Variants in APOBEC3B observed in about 807,000 individuals in gnomAD.
APOBEC3B encodes the protein apolipoprotein B mRNA editing enzyme catalytic subunit 3B.
In APOBEC3B, 29 loss-of-function variants were observed where a neutral mutation model predicts 53.4. The observed-to-expected ratio is 0.54, with a 90% CI of 0.40 to 0.74. The LOEUF is 0.74. Among genes scored for constraint, APOBEC3B ranks in the 30% least tolerant of loss-of-function variants. The pLI, the probability that APOBEC3B is intolerant of heterozygous loss-of-function variation, is 0.00. For missense variants in APOBEC3B, 347 were observed against 496.2 expected, an observed-to-expected ratio of 0.70 and a Z score of 2.86; for synonymous variants, 132 against 184.8, an observed-to-expected ratio of 0.71 and a Z score of 2.32.
intron 4 of APOBEC3B, among the ~76,000 whole-genome samples, chr22:38,988,683 C>CTTTCTTTCTTTCTTTCTTTCTTTCTT (rs779025117): frequency 8.4e-5 from 4 of 47,510 alleles, no homozygotes; most frequent in Non-Finnish European, 1.2e-4. Context: ...TTCTCTCTTT[C>CTTTCTTTCTTTCTTTCTTTCTTTCTT]TCTTTCTTTC....
At chr22:38,988,322 A>G (rs2037350206) in intron 4 of APOBEC3B, among the ~76,000 whole-genome samples, 2 of 148,550 alleles carry the variant, frequency 1.3e-5, no homozygotes, top group African/African-American at 2.4e-5. Flanking sequence ...TGAAAATCCC[A>G]GTGGATAATG....
At chr22:38,984,364 C>A in intron 2 of APOBEC3B, 133 bp downstream of exon 2, 1 of 1,181,672 alleles carries the variant, frequency 8.5e-7, no homozygotes, top group South Asian at 1.8e-5. Flanking sequence ...AAAGGCTGAG[C>A]CCTTAACAAA....
intron 5 of APOBEC3B, among the ~76,000 whole-genome samples, chr22:38,990,239 G>A (rs1261010122): frequency 1.4e-5 from 2 of 148,142 alleles, no homozygotes; most frequent in African/African-American, 4.9e-5. Context: ...GGGCTTCTCT[G>A]GGCTCTATGA....
At chr22:38,988,699 T>C (rs56303902) in intron 4 of APOBEC3B, among the ~76,000 whole-genome samples, 5,078 of 93,684 alleles carry the variant, frequency 0.054, 422 homozygotes, top group African/African-American at 0.1. Flanking sequence ...CTTTCTTTCT[T>C]TCTTTCTTTC....
intron 4 of APOBEC3B, among the ~76,000 whole-genome samples, chr22:38,987,329 C>T (rs1432943378): frequency 1.4e-5 from 2 of 147,888 alleles, no homozygotes; most frequent in African/African-American, 4.9e-5. Flanking sequence ...CACTCCCAGC[C>T]AGGCTCTTTG....
chr22:38,988,985 C>A (rs1923881963), intron 4 of APOBEC3B, among the ~76,000 whole-genome samples: 1 of 147,294 alleles, frequency 6.8e-6, no homozygotes, highest in African/African-American at 2.5e-5. Context: ...ATGTCCCTGG[C>A]AGGCTCCTCT....
At chr22:38,986,437 C>T in intron 4 of APOBEC3B, 25 bp downstream of exon 4, 13 of 1,586,842 alleles carry the variant, frequency 8.2e-6, no homozygotes, top group Non-Finnish European at 1.1e-5. Context: ...CTGGCCTCAT[C>T]ATCTCTCTCC....
intron 2 of APOBEC3B, among the ~76,000 whole-genome samples, chr22:38,985,310 C>T (rs148863408): frequency 1.3e-5 from 2 of 148,486 alleles, no homozygotes; most frequent in African/African-American, 4.9e-5. Flanking sequence ...TCAACTTCCA[C>T]CTGCCAGGTT....
At chr22:38,984,408 A>G (rs1923652670) in intron 2 of APOBEC3B, among the ~76,000 whole-genome samples, 177 bp downstream of exon 2, 1 of 148,710 alleles carries the variant, frequency 6.7e-6, no homozygotes, top group Non-Finnish European at 1.5e-5. Context: ...AAACTTACAG[A>G]AGCAGAACAA....
chr22:38,988,468 T>C (rs1923824257), intron 4 of APOBEC3B, among the ~76,000 whole-genome samples: 1 of 148,846 alleles, frequency 6.7e-6, no homozygotes, highest in Non-Finnish European at 1.5e-5. Flanking sequence ...CAGTGTCATC[T>C]CGTTCTCCCT....
chr22:38,992,656 A>T lies in APOBEC3B; in HGVS notation c.*211A>T. 7.3e-7 allele frequency: 1 copy of T among 1,367,494 alleles called. No homozygotes were observed. The highest frequency in any genetic ancestry group is 1.5e-5 in the African/African-American group (1 of 68,348). The allele number at this position is 1,367,494 out of a possible 1,614,324, so 84.7% of individuals were successfully genotyped here. On this transcript the variant is annotated 3_prime_UTR_variant, in exon 8 of 8. Transcript: ENST00000333467. ...AATTTCTCTTATGTTCCAAGTGTAC[A>T]AGAGTAAGATTATGCTCAATATTCC...
chr22:38,988,447 A>C (rs1053307276), intron 4 of APOBEC3B, among the ~76,000 whole-genome samples: 1 of 148,838 alleles, frequency 6.7e-6, no homozygotes, highest in Non-Finnish European at 1.5e-5. Context: ...GGCCTAAGCC[A>C]TTTTTATGTT....
In APOBEC3B at chr22:38,984,153, C is replaced by T. The variant is rs757755950; in HGVS notation, c.96C>T (p.Tyr32=). The change falls in exon 2 of 8, where the codon TAC becomes TAT. Residue 32 remains tyrosine (Y), a synonymous_variant. Coordinates refer to ENST00000333467, the MANE Select transcript of APOBEC3B (RefSeq NM_004900.5). ...ENEPILYGRS[Y]TWLCYEVKIK... ...AACCCATCCTCTATGGTCGGAGCTA[C>T]ACTTGGCTGTGCTATGAAGTGAAAA... 8 of 1,592,620 alleles carry T rather than the reference C, an allele frequency of 5.0e-6. 1 individual carries two copies. The Admixed American group carries it at 7.1e-5, about 14-fold the overall frequency.
rs1923931668 is a variant in APOBEC3B at position 38,990,090 on chromosome 22, T to TGGTCCAGGAAAGGCTGAGG, written c.723+482_723+483insTCCAGGAAAGGCTGAGGGG. On this transcript the variant is annotated intron_variant, in intron 5 of 7. Coordinates refer to ENST00000333467, the MANE Select transcript of APOBEC3B (RefSeq NM_004900.5). ...AGATGGCCAGCAGTTGGGGAAGAAC[T>TGGTCCAGGAAAGGCTGAGG]GGGCCAGGAAAGGCTGAGGGGGCCA... Among the ~76,000 whole-genome samples the TGGTCCAGGAAAGGCTGAGG allele has an allele frequency of 1.4e-5, 2 of 144,606 alleles. 1 individual carries two copies. Among genetic ancestry groups the TGGTCCAGGAAAGGCTGAGG allele is most frequent in the South Asian group, 4.7e-4 (2 of 4,224 alleles). 94.9% of individuals were successfully genotyped at this position (144,606 alleles called of 152,430 possible).
At chr22:38,986,519 C>T in intron 4 of APOBEC3B, 107 bp downstream of exon 4, 1 of 1,288,168 alleles carries the variant, frequency 7.8e-7, no homozygotes, top group Non-Finnish European at 1.1e-6. Context: ...CCACTGCCTG[C>T]CCTCATGGTC....
In APOBEC3B at chr22:38,982,434, G is replaced by A; in HGVS notation, c.-20G>A. 1.3e-6 allele frequency: 2 copies of A among 1,593,578 alleles called. 1 individual carries two copies. The highest frequency in any genetic ancestry group is 1.7e-6 in the Non-Finnish European group (2 of 1,172,508). The stretch of plus-strand genomic sequence containing the variant: ...CAAAAAAAGAGCGGGACAGGGACAA[G>A]CGTATCTAAGAGGCTGAACATGAAT... On this transcript the variant is annotated 5_prime_UTR_variant, in exon 1 of 8. Coordinates refer to ENST00000333467, the MANE Select transcript of APOBEC3B (RefSeq NM_004900.5).
Position 38,982,363 on chromosome 22 carries a change from T to C in APOBEC3B, c.-91T>C, listed in dbSNP as rs1483574744. On this transcript the variant is annotated 5_prime_UTR_variant, in exon 1 of 8. Transcript: ENST00000333467. The stretch of plus-strand genomic sequence containing the variant: ...TGGGAGGTCACTTTAAGGAGGGCTG[T>C]CCAACTGCAAGGACGCTGTAAGCAG... The C allele has an allele frequency of 1.4e-5, 22 of 1,545,900 alleles. 2 individuals are homozygous for C. In the Admixed American group the frequency reaches 1.6e-4, roughly 11 times the overall value.
At chr22:38,987,804 C>T (rs1923801537) in intron 4 of APOBEC3B, among the ~76,000 whole-genome samples, 1 of 148,364 alleles carries the variant, frequency 6.7e-6, no homozygotes, top group South Asian at 2.2e-4. Flanking sequence ...AGGAGAAATG[C>T]TCTTATTTTA....
chr22:38,988,166 C>T (rs1478222513), intron 4 of APOBEC3B, among the ~76,000 whole-genome samples: 2 of 148,540 alleles, frequency 1.3e-5, no homozygotes, highest in African/African-American at 4.9e-5. Flanking sequence ...CCTCAAACCC[C>T]TGGGGCCTCT....
Sources: allele counts gnomAD v4.1 joint callset (sites outside exome capture counted in the v4.1 genomes callset), GRCh38; gene constraint gnomAD v4.1.1; transcripts MANE v1.5; gene names NCBI Gene and HGNC (gene_info 2026-07-23, HGNC 2026-07-21).